RPS6KC1: variants seen among roughly 807,000 people sequenced by gnomAD.
RPS6KC1 encodes the protein ribosomal protein S6 kinase C1.
A neutral mutation model predicts 103.8 loss-of-function variants in RPS6KC1; 54 were observed. The ratio of observed to expected loss-of-function variants is 0.52; its 90% confidence interval spans 0.42 to 0.65. The LOEUF (loss-of-function observed/expected upper bound fraction) is 0.65. Among genes scored for constraint, RPS6KC1 ranks in the 30% least tolerant of loss-of-function variants. RPS6KC1 has a pLI of 0.00. For synonymous variants in RPS6KC1, 439 were observed against 438.7 expected, an observed-to-expected ratio of 1.00 and a Z score of -0.01; for missense variants, 1,151 against 1,253.8, an observed-to-expected ratio of 0.92 and a Z score of 1.24.
chr1:213,213,390 T>C (rs924558836), intron 8 of RPS6KC1, among the ~76,000 whole-genome samples: 2 of 152,214 alleles, frequency 1.3e-5, no homozygotes, highest in Non-Finnish European at 2.9e-5. Flanking sequence ...CCTTCTGGGC[T>C]CTCTGTTCTG....
intron 3 of RPS6KC1, among the ~76,000 whole-genome samples, chr1:213,091,089 G>A (rs1026902491): frequency 2.0e-5 from 3 of 151,274 alleles, no homozygotes; most frequent in Non-Finnish European, 4.4e-5. Context: ...ACGGAGTCTC[G>A]CTCTGTTGTC....
At chr1:213,666,365 C>T in the RPS6KC1 span, among the ~76,000 whole-genome samples, 1,284 of 152,236 alleles carry the variant, frequency 8.4e-3, 15 homozygotes, top group African/African-American at 0.028. Flanking sequence ...ACTTCCACAT[C>T]GCATGGCCCT....
chr1:213,640,279 CTT>C, the RPS6KC1 span, among the ~76,000 whole-genome samples: 1 of 150,302 alleles, frequency 6.7e-6, no homozygotes, highest in African/African-American at 2.4e-5. Context: ...TAATTTGTGT[CTT>C]CTCTCTCTCT....
chr1:213,732,233 G>A, the RPS6KC1 span, among the ~76,000 whole-genome samples: 1 of 152,170 alleles, frequency 6.6e-6, no homozygotes, highest in Admixed American at 6.5e-5. Flanking sequence ...AGGAGGAGAG[G>A]ACAACATTTT....
At chr1:213,200,591 A>G (rs770277947) in intron 8 of RPS6KC1, among the ~76,000 whole-genome samples, 2 of 152,212 alleles carry the variant, frequency 1.3e-5, no homozygotes, top group Admixed American at 1.3e-4. Flanking sequence ...ATTTTATGTC[A>G]AAGATGCCAA....
the RPS6KC1 span, among the ~76,000 whole-genome samples, chr1:213,748,810 G>C: frequency 6.6e-6 from 1 of 152,202 alleles, no homozygotes; most frequent in African/African-American, 2.4e-5. Flanking sequence ...TTGAACACCA[G>C]CTTAAGCAGA....
At chr1:213,825,883 TC>T in the RPS6KC1 span, among the ~76,000 whole-genome samples, 15 of 152,288 alleles carry the variant, frequency 9.8e-5, no homozygotes, top group African/African-American at 3.6e-4. Flanking sequence ...CAGTAAAGTC[TC>T]CCACATAACC....
At chr1:213,854,562 T>C in the RPS6KC1 span, among the ~76,000 whole-genome samples, 142 of 122,594 alleles carry the variant, frequency 1.2e-3, 1 homozygote, top group African/African-American at 3.2e-3. Context: ...CTTTCTTTCT[T>C]TCTCTCTCTC....
At chr1:213,188,265 C>T (rs2092613745) in intron 8 of RPS6KC1, among the ~76,000 whole-genome samples, 1 of 151,828 alleles carries the variant, frequency 6.6e-6, no homozygotes, top group African/African-American at 2.4e-5. Flanking sequence ...CCTGGATGAC[C>T]CCCTCAGTCT....
the RPS6KC1 span, among the ~76,000 whole-genome samples, chr1:213,394,404 C>T: frequency 5.9e-5 from 9 of 152,118 alleles, no homozygotes; most frequent in African/African-American, 1.7e-4. Flanking sequence ...TAGGGCCTTC[C>T]CACTGTGAAT....
intron 13 of RPS6KC1, 51 bp from the exon 14 acceptor site, chr1:213,262,670 C>T (rs1202177271): frequency 6.8e-6 from 8 of 1,183,490 alleles, no homozygotes; most frequent in Non-Finnish European, 8.9e-6. Flanking sequence ...TATGATAGAA[C>T]AAAATATGAT....
intron 8 of RPS6KC1, among the ~76,000 whole-genome samples, chr1:213,221,663 T>C (rs966016869): frequency 7.2e-5 from 11 of 152,252 alleles, no homozygotes; most frequent in Non-Finnish European, 5.9e-5. Context: ...CAATTAGTTG[T>C]GTTCTTATAG....
the RPS6KC1 span, among the ~76,000 whole-genome samples, chr1:213,556,658 A>G: frequency 6.6e-6 from 1 of 152,218 alleles, no homozygotes; most frequent in East Asian, 1.9e-4. Flanking sequence ...GGTTTGTCCT[A>G]AGGACTGCTA....
chr1:213,543,449 C>T, the RPS6KC1 span, among the ~76,000 whole-genome samples: 1 of 152,154 alleles, frequency 6.6e-6, no homozygotes. Flanking sequence ...GGAGAACTCA[C>T]CCATGTCTTC....
the RPS6KC1 span, among the ~76,000 whole-genome samples, chr1:213,546,067 G>C: frequency 6.6e-6 from 1 of 152,170 alleles, no homozygotes; most frequent in Non-Finnish European, 1.5e-5. Context: ...CCGCTCACCT[G>C]GACCGAAGCC....
the RPS6KC1 span, among the ~76,000 whole-genome samples, chr1:213,599,230 T>A: frequency 6.6e-6 from 1 of 152,186 alleles, no homozygotes; most frequent in African/African-American, 2.4e-5. Flanking sequence ...TTTAGGGAGC[T>A]GGTGATCAAT....
chr1:213,085,962 C>G lies in RPS6KC1; in HGVS notation c.262+8146C>G, dbSNP rs78924567. 9.3e-3 allele frequency among the ~76,000 whole-genome samples: 1,420 copies of G among 152,070 alleles called. 50 individuals carry two copies. The highest frequency in any genetic ancestry group is 0.072 in the East Asian group (371 of 5,174). ...CAGCACTTGTTATTTTTAGGCATAACAAGATGTTCAGTGCTCATCTTGAAT... is the reference window on the plus strand; with the variant it reads ...CAGCACTTGTTATTTTTAGGCATAAGAAGATGTTCAGTGCTCATCTTGAAT... On this transcript the variant is annotated intron_variant, in intron 3 of 14. Transcript: ENST00000366960.
At chr1:213,508,219 G>T in the RPS6KC1 span, among the ~76,000 whole-genome samples, 1 of 152,104 alleles carries the variant, frequency 6.6e-6, no homozygotes, top group African/African-American at 2.4e-5. Context: ...TTAAGGCTTG[G>T]ATTAATATAA....
At chr1:213,513,603 G>A in the RPS6KC1 span, among the ~76,000 whole-genome samples, 1 of 152,210 alleles carries the variant, frequency 6.6e-6, no homozygotes, top group Admixed American at 6.5e-5. Context: ...GGGATTGATT[G>A]CATTAGCAGG....
Sources: gnomAD v4.1 joint callset for allele counts (sites outside exome capture counted in the v4.1 genomes callset) on GRCh38, gnomAD v4.1.1 for gene constraint, MANE v1.5 for transcripts, NCBI Gene and HGNC (gene_info 2026-07-23, HGNC 2026-07-21) for gene names.